DGLUCY: variants seen among roughly 807,000 people sequenced by gnomAD.
DGLUCY encodes the protein D-glutamate cyclase.
Under a neutral mutation model 58.5 loss-of-function variants are expected in DGLUCY, and 58 were observed. That is an observed-to-expected ratio of 0.99 (90% CI 0.80 to 1.23). The LOEUF is 1.23. Among genes scored for constraint, DGLUCY ranks in the 50% most tolerant of loss-of-function variants. DGLUCY has a pLI of 0.00. For missense variants in DGLUCY, 779 were observed against 784.7 expected, an observed-to-expected ratio of 0.99 and a Z score of 0.09; for synonymous variants, 325 against 314.1, an observed-to-expected ratio of 1.03 and a Z score of -0.37.
chr14:91,128,091 AT>A (rs570983609), intron 1 of DGLUCY, among the ~76,000 whole-genome samples: 371 of 152,096 alleles, frequency 2.4e-3, no homozygotes, highest in African/African-American at 8.4e-3. Context: ...AACACAGCAA[AT>A]TCCAGATATT....
intron 1 of DGLUCY, among the ~76,000 whole-genome samples, chr14:91,157,231 G>A (rs12884193): frequency 2.2e-3 from 212 of 94,602 alleles, no homozygotes; most frequent in African/African-American, 1.0e-2. Context: ...GGATGGATGG[G>A]TGGATGGATG....
intron 12 of DGLUCY, among the ~76,000 whole-genome samples, chr14:91,205,842 C>T (rs1261028609): frequency 3.4e-3 from 240 of 70,690 alleles, no homozygotes; most frequent in Admixed American, 0.01. Context: ...TCTTCTTCTT[C>T]TTTTTTTTTT....
At chr14:91,103,829 T>C (rs1309693985), upstream of DGLUCY, among the ~76,000 whole-genome samples, 5 of 148,612 alleles carry the variant, frequency 3.4e-5, no homozygotes, top group Non-Finnish European at 7.5e-5. Context: ...CACACACACA[T>C]ATATATACAC....
rs377374970 is a variant in DGLUCY at position 91,079,151 on chromosome 14, G to A, written c.-82+18447G>A. 2.6e-4 allele frequency among the ~76,000 whole-genome samples: 40 copies of A among 151,846 alleles called. 1 individual carries two copies. The Middle Eastern group carries it at 0.014, about 52-fold the overall frequency. ...ACTCCTGACCTCAAGTGATCTGCCC[G>A]CCTTGGTCTCCCAAAGTGCAGGGAT... On this transcript the variant is annotated intron_variant, in intron 1 of 4. Transcript: ENST00000521334.
At chr14:91,074,293 T>G (rs1473773054) in intron 1 of DGLUCY, among the ~76,000 whole-genome samples, 7 of 68,734 alleles carry the variant, frequency 1.0e-4, no homozygotes, top group African/African-American at 2.1e-4. Flanking sequence ...ATACCCTGTC[T>G]CAAAAAAAAA....
At chr14:91,159,256 G>A (rs1388459278) in intron 2 of DGLUCY, among the ~76,000 whole-genome samples, 1 of 152,092 alleles carries the variant, frequency 6.6e-6, no homozygotes, top group African/African-American at 2.4e-5. Flanking sequence ...AGACCAGCCT[G>A]GTCAACAAGG....
At chr14:91,132,929 T>C (rs914249442) in intron 1 of DGLUCY, among the ~76,000 whole-genome samples, 1 of 152,270 alleles carries the variant, frequency 6.6e-6, no homozygotes, top group African/African-American at 2.4e-5. Flanking sequence ...TCCTTTTGTG[T>C]CTAGTTTCTT....
chr14:91,150,242 A>T (rs2047246494), intron 1 of DGLUCY, among the ~76,000 whole-genome samples: 1 of 136,342 alleles, frequency 7.3e-6, no homozygotes, highest in Admixed American at 7.5e-5. Context: ...AAAAAAAAAA[A>T]TCCAGTTTGG....
intron 1 of DGLUCY, among the ~76,000 whole-genome samples, chr14:91,067,067 C>G (rs1304733408): frequency 2.5e-5 from 3 of 119,852 alleles, no homozygotes; most frequent in African/African-American, 6.9e-5. Context: ...GGTGACAGAG[C>G]GAGACTCCAT....
At chr14:91,224,122 G>A (rs1297531228) in intron 13 of DGLUCY, among the ~76,000 whole-genome samples, 1 of 152,162 alleles carries the variant, frequency 6.6e-6, no homozygotes, top group Non-Finnish European at 1.5e-5. Context: ...GAGAAATGGG[G>A]GCCTTTGGCA....
At chr14:91,115,772 CTGGTGGCCCCTGACATGTTTTATT>C (rs1294817329) in intron 1 of DGLUCY, among the ~76,000 whole-genome samples, 1 of 152,222 alleles carries the variant, frequency 6.6e-6, no homozygotes, top group Non-Finnish European at 1.5e-5. Flanking sequence ...CGGAGGCCAA[CTGGTGGCCCCTGACATGTTTTATT>C]TGTAAGAGTG....
intron 12 of DGLUCY, among the ~76,000 whole-genome samples, 193 bp downstream of exon 12, chr14:91,205,018 G>A (rs1364522028): frequency 6.6e-6 from 1 of 152,168 alleles, no homozygotes; most frequent in Admixed American, 6.5e-5. Context: ...GCCAGGCAGT[G>A]TTCTGAGCAC....
chr14:91,220,036 G>A (rs547850652), intron 13 of DGLUCY, among the ~76,000 whole-genome samples: 20 of 152,226 alleles, frequency 1.3e-4, no homozygotes, highest in Non-Finnish European at 2.8e-4. Flanking sequence ...GCTGTGCCTG[G>A]ATGCTGGTCT....
chr14:91,173,237 G>A, intron 5 of DGLUCY, 52 bp from the exon 6 acceptor site: 2 of 1,603,854 alleles, frequency 1.2e-6, no homozygotes, highest in Non-Finnish European at 1.7e-6. Context: ...TTGGATCTGT[G>A]CTAATTCCAT....
At chr14:91,071,176 C>CA (rs533030423) in intron 1 of DGLUCY, among the ~76,000 whole-genome samples, 93 of 143,476 alleles carry the variant, frequency 6.5e-4, no homozygotes, top group East Asian at 5.8e-3. Context: ...ACTAAAAATA[C>CA]AAAAAAAAAA....
At chr14:91,073,516 G>A (rs2043957904) in intron 1 of DGLUCY, among the ~76,000 whole-genome samples, 1 of 152,196 alleles carries the variant, frequency 6.6e-6, no homozygotes, top group African/African-American at 2.4e-5. Context: ...TGTATTTTTA[G>A]TAGAGACAGG....
chr14:91,074,314 T>A (rs200398082), intron 1 of DGLUCY, among the ~76,000 whole-genome samples: 2,011 of 118,190 alleles, frequency 0.017, 42 homozygotes, highest in Admixed American at 0.073. Context: ...AAAAAAAAAA[T>A]ATATATATAT....
At chr14:91,176,726 CAA>C (rs1010943344) in intron 7 of DGLUCY, among the ~76,000 whole-genome samples, 5 of 152,050 alleles carry the variant, frequency 3.3e-5, no homozygotes, top group African/African-American at 1.2e-4. Flanking sequence ...CTCAGCCTCC[CAA>C]GTAGCTGGAA....
At chr14:91,107,589 G>A (rs2044614513), upstream of DGLUCY, among the ~76,000 whole-genome samples, 1 of 152,180 alleles carries the variant, frequency 6.6e-6, no homozygotes, top group Non-Finnish European at 1.5e-5. Context: ...AAGAGTGAGT[G>A]TGAAGAGATT....
Sources: gnomAD v4.1 joint callset for allele counts (sites outside exome capture counted in the v4.1 genomes callset) on GRCh38, gnomAD v4.1.1 for gene constraint, MANE v1.5 for transcripts, NCBI Gene and HGNC (gene_info 2026-07-23, HGNC 2026-07-21) for gene names.